OR5H6: variants seen among roughly 807,000 people sequenced by gnomAD.
OR5H6 encodes olfactory receptor 5H6.
For synonymous variants in OR5H6, 151 were observed against 127.7 expected, an observed-to-expected ratio of 1.18 and a Z score of -1.23; for missense variants, 429 against 358.1, an observed-to-expected ratio of 1.20 and a Z score of -1.60.
chr3:98,264,390 C>G lies in OR5H6; in HGVS notation c.58C>G (p.Gln20Glu). The change falls in exon 1 of 1, where the codon CAA (glutamine) becomes GAA (glutamate). Residue 20 changes from glutamine (Q) to glutamate (E), a missense_variant. Coordinates refer to ENST00000615035, the MANE Select transcript of OR5H6 (RefSeq NM_001005479.2). ...GTTTGTTCTCACAGGATTTTTACAT[C>G]AACCTGACTGTAAAATACCGCTCTT... ...TEFVLTGFLH[Q>E]PDCKIPLFLA... 5.0e-6 allele frequency: 8 copies of G among 1,612,930 alleles called. No homozygotes were observed. The highest frequency in any genetic ancestry group is 5.9e-6 in the Non-Finnish European group (7 of 1,179,030).
At position 98,264,285 on chromosome 3, in the gene OR5H6, A is replaced by G. The variant is rs1705846012; in HGVS notation, c.-48A>G. 6.2e-7 allele frequency: 1 copy of G among 1,605,100 alleles called. No individual in the cohort carries two copies. On this transcript the variant is annotated 5_prime_UTR_variant, in exon 1 of 1. The change abolishes an upstream ATG in the 5' untranslated region. Coordinates refer to ENST00000615035, the MANE Select transcript of OR5H6 (RefSeq NM_001005479.2). ...ATTTCAACTCACAATTCCATTGCAA[A>G]TGTTCCTTTACCTTTGCTTCATTTT...
Position 98,264,363 on chromosome 3 carries a change from G to C in OR5H6, c.31G>C (p.Glu11Gln), listed in dbSNP as rs137937308. Residue 11 changes from glutamate (E) to glutamine (Q), a missense_variant, in exon 1 of 1, where the codon GAG (glutamate) becomes CAG (glutamine). Glu to Gln is a conservative substitution (Grantham distance 29, BLOSUM62 2). Coordinates refer to ENST00000615035, the MANE Select transcript of OR5H6 (RefSeq NM_001005479.2). ...AGAGGAAAATGCAACATTGCTGACA[G>C]AGTTTGTTCTCACAGGATTTTTACA... MEEENATLLT[E>Q]FVLTGFLHQP... The C allele has an allele frequency of 2.1e-3, 3,446 of 1,613,118 alleles. 5 individuals carry two copies. Among genetic ancestry groups the C allele is most frequent in the Non-Finnish European group, 2.5e-3 (3,005 of 1,179,200 alleles).
At position 98,264,787 on chromosome 3, in the gene OR5H6, G is replaced by A; in HGVS notation, c.455G>A (p.Gly152Asp). 1.2e-6 allele frequency: 2 copies of A among 1,612,434 alleles called. No individual in the cohort carries two copies. Among genetic ancestry groups the A allele is most frequent in the Non-Finnish European group, 1.7e-6 (2 of 1,179,186 alleles). Residue 152 changes from glycine to aspartate, a missense_variant, in exon 1 of 1, where the codon GGC (glycine) becomes GAC (aspartate). Transcript: ENST00000615035. The stretch of plus-strand genomic sequence containing the variant: ...CTATTAGTCTTGTCATTTATAGGTG[G>A]CCTTCTTCATGCTTTAATCCATGAA... ...IQLLVLSFIGGLLHALIHEAF... is the reference protein window; with the variant it reads ...IQLLVLSFIGDLLHALIHEAF...
rs747281928 is a variant in OR5H6 at position 98,264,632 on chromosome 3, AT to A, written c.307del (p.Ser103ProfsTer3). The stretch of plus-strand genomic sequence containing the variant: ...TATCTCTCTCTGAATGCATGGTACA[AT>A]TTTTTTCCCTTGTAACCACTGTAAC... ...MISLSECMVQ[F>X]FSLVTTVTTE... On this transcript the variant is annotated frameshift_variant, in exon 1 of 1. Coordinates refer to ENST00000615035, the MANE Select transcript of OR5H6 (RefSeq NM_001005479.2). LOFTEE classifies it low-confidence loss of function (END_TRUNC). 1.0e-5 allele frequency: 16 copies of A among 1,587,312 alleles called. No individual in the cohort carries two copies. The highest frequency in any genetic ancestry group is 2.8e-5 in the African/African-American group (2 of 72,442).
chr3:98,265,341 C>G lies in OR5H6; in HGVS notation c.*79C>G. On this transcript the variant is annotated 3_prime_UTR_variant, in exon 1 of 1. Transcript: ENST00000615035. Reference sequence around the variant, plus strand: ...GTTAGAGGTGTCTATGTCTTGCCAGCATTCAAAGATGATGCAAAGTCCTAG... The same window carrying G: ...GTTAGAGGTGTCTATGTCTTGCCAGGATTCAAAGATGATGCAAAGTCCTAG... 1 of 1,437,820 alleles carries G rather than the reference C, an allele frequency of 7.0e-7. No individual in the cohort carries two copies. Among genetic ancestry groups the G allele is most frequent in the Non-Finnish European group, 9.3e-7 (1 of 1,074,000 alleles). 89.1% of individuals were successfully genotyped at this position (1,437,820 alleles called of 1,614,324 possible).
In OR5H6 at chr3:98,264,472, T is replaced by C. The variant is rs1417435700; in HGVS notation, c.140T>C (p.Val47Ala). Reference protein sequence around the residue: ...ITIMGNLGLIVLIWKDPHLHI... With the variant: ...ITIMGNLGLIALIWKDPHLHI... ...ATCATGGGGAATCTTGGTCTAATTG[T>C]TCTCATCTGGAAAGACCCTCACCTT... Residue 47 changes from valine (V) to alanine (A), a missense_variant, in exon 1 of 1, where the codon GTT becomes GCT. Coordinates refer to ENST00000615035, the MANE Select transcript of OR5H6 (RefSeq NM_001005479.2). 2 of 1,612,616 alleles carry C rather than the reference T, an allele frequency of 1.2e-6. No homozygotes were observed. The highest frequency in any genetic ancestry group is 2.2e-5 in the South Asian group (2 of 91,032).
rs772610499 is a variant in OR5H6 at position 98,264,814 on chromosome 3, C to G, written c.482C>G (p.Ala161Gly). Residue 161 changes from alanine (A) to glycine (G), a missense_variant, in exon 1 of 1, where the codon GCT (alanine) becomes GGT (glycine). Physicochemically the swap from Ala to Gly is moderately conservative, Grantham distance 60. Transcript: ENST00000615035. ...GGLLHALIHE[A>G]FSFRLTFCNS... ...CTTCTTCATGCTTTAATCCATGAAG[C>G]TTTTTCATTCAGATTAACCTTCTGT... is the stretch of plus-strand genomic sequence containing the variant. 6.2e-7 allele frequency: 1 copy of G among 1,609,828 alleles called. No individual in the cohort carries two copies. The highest frequency in any genetic ancestry group is 8.5e-7 in the Non-Finnish European group (1 of 1,178,158).
At position 98,264,488 on chromosome 3, in the gene OR5H6, C is replaced by T. The variant is rs752988366; in HGVS notation, c.156C>T (p.Asp52=). The T allele has an allele frequency of 5.0e-6, 8 of 1,611,786 alleles. No homozygotes were observed. The highest frequency in any genetic ancestry group is 3.3e-5 in the Admixed American group (2 of 59,942). ...GTCTAATTGTTCTCATCTGGAAAGA[C>T]CCTCACCTTCATATCCCAATGTACT... ...NLGLIVLIWK[D]PHLHIPMYLF... The change falls in exon 1 of 1, where the codon GAC becomes GAT. Residue 52 remains aspartate, a synonymous_variant. Transcript: ENST00000615035.
Position 98,264,941 on chromosome 3 carries a change from A to G in OR5H6, c.609A>G (p.Ala203=). 6.2e-7 allele frequency: 1 copy of G among 1,606,384 alleles called. No individual in the cohort carries two copies. The highest frequency in any genetic ancestry group is 8.5e-7 in the Non-Finnish European group (1 of 1,177,264). ...SINFLMVFIF[A]GSVQVFTIGT... ...ACTTTCTAATGGTTTTTATTTTCGC[A>G]GGTTCTGTTCAAGTTTTTACCATTG... The change falls in exon 1 of 1, where the codon GCA becomes GCG. Residue 203 remains alanine, a synonymous_variant. Coordinates refer to ENST00000615035, the MANE Select transcript of OR5H6 (RefSeq NM_001005479.2).
At position 98,264,813 on chromosome 3, in the gene OR5H6, G is replaced by A. The variant is rs747705032; in HGVS notation, c.481G>A (p.Ala161Thr). 3.7e-6 allele frequency: 6 copies of A among 1,610,252 alleles called. No homozygotes were observed. Among genetic ancestry groups the A allele is most frequent in the Non-Finnish European group, 4.2e-6 (5 of 1,178,420 alleles). ...CCTTCTTCATGCTTTAATCCATGAA[G>A]CTTTTTCATTCAGATTAACCTTCTG... ...GGLLHALIHE[A>T]FSFRLTFCNS... The change falls in exon 1 of 1, where the codon GCT becomes ACT. Residue 161 changes from alanine (A) to threonine (T), a missense_variant. Ala to Thr is a moderately conservative substitution (Grantham distance 58). Transcript: ENST00000615035.
rs759713472 is a variant in OR5H6 at position 98,264,845 on chromosome 3, C to T, written c.513C>T (p.Ser171=). 118 of 1,610,100 alleles carry T rather than the reference C, an allele frequency of 7.3e-5. 3 individuals are homozygous for T. In the South Asian group the frequency reaches 9.5e-4, roughly 13 times the overall value. Residue 171 remains serine, a synonymous_variant, in exon 1 of 1, where the codon TCC becomes TCT. Transcript: ENST00000615035. Reference sequence around the variant, plus strand: ...CATTCAGATTAACCTTCTGTAATTCCAACATAATACAACACTTTTACTGTG... The same window carrying T: ...CATTCAGATTAACCTTCTGTAATTCTAACATAATACAACACTTTTACTGTG... ...AFSFRLTFCN[S]NIIQHFYCDI...
chr3:98,265,152 G>C lies in OR5H6; in HGVS notation c.820G>C (p.Glu274Gln). 1 of 1,613,174 alleles carries C rather than the reference G, an allele frequency of 6.2e-7. No individual in the cohort carries two copies. The highest frequency in any genetic ancestry group is 8.5e-7 in the Non-Finnish European group (1 of 1,179,404). Residue 274 changes from glutamate to glutamine, a missense_variant, in exon 1 of 1, where the codon GAG becomes CAG. Physicochemically the swap from Glu to Gln is conservative, Grantham distance 29. Transcript: ENST00000615035. ...SPQADDQDMM[E>Q]SLFYTVIVPL... ...GCAAGCAGATGACCAAGATATGATG[G>C]AGTCTCTATTTTACACTGTCATAGT...
chr3:98,265,340 G>A lies in OR5H6; in HGVS notation c.*78G>A. Reference sequence around the variant, plus strand: ...AGTTAGAGGTGTCTATGTCTTGCCAGCATTCAAAGATGATGCAAAGTCCTA... The same window carrying A: ...AGTTAGAGGTGTCTATGTCTTGCCAACATTCAAAGATGATGCAAAGTCCTA... On this transcript the variant is annotated 3_prime_UTR_variant, in exon 1 of 1. Coordinates refer to ENST00000615035, the MANE Select transcript of OR5H6 (RefSeq NM_001005479.2). 7 of 1,444,762 alleles carry A rather than the reference G, an allele frequency of 4.8e-6. No individual in the cohort carries two copies. Among genetic ancestry groups the A allele is most frequent in the Non-Finnish European group, 5.6e-6 (6 of 1,079,754 alleles). 89.5% of individuals were successfully genotyped at this position (1,444,762 alleles called of 1,614,324 possible).
Position 98,264,361 on chromosome 3 carries a change from CAG to C in OR5H6, c.32_33del (p.Glu11ValfsTer11). Reference sequence around the variant, plus strand: ...GAAGAGGAAAATGCAACATTGCTGACAGAGTTTGTTCTCACAGGATTTTTACA... The same window carrying C: ...GAAGAGGAAAATGCAACATTGCTGACAGTTTGTTCTCACAGGATTTTTACA... On this transcript the variant is annotated frameshift_variant, in exon 1 of 1. Transcript: ENST00000615035. LOFTEE classifies it low-confidence loss of function (END_TRUNC). 1.9e-6 allele frequency: 3 copies of C among 1,613,046 alleles called. No individual in the cohort carries two copies. Among genetic ancestry groups the C allele is most frequent in the Non-Finnish European group, 2.5e-6 (3 of 1,179,172 alleles).
In OR5H6 at chr3:98,265,077, T is replaced by C. The variant is rs751155416; in HGVS notation, c.745T>C (p.Ser249Pro). Residue 249 changes from serine (S) to proline (P), a missense_variant, in exon 1 of 1, where the codon TCT (serine) becomes CCT (proline). Coordinates refer to ENST00000615035, the MANE Select transcript of OR5H6 (RefSeq NM_001005479.2). ...CTGTGGGGCTCATCTCTTATCTGTA[T>C]CTTTATACTATGGCCCCCTCACCTT... ...STCGAHLLSV[S>P]LYYGPLTFKY... 6.2e-7 allele frequency: 1 copy of C among 1,612,788 alleles called. No homozygotes were observed. Among genetic ancestry groups the C allele is most frequent in the Admixed American group, 1.7e-5 (1 of 59,926 alleles).
Position 98,264,988 on chromosome 3 carries a change from C to T in OR5H6, c.656C>T (p.Thr219Ile). The T allele has an allele frequency of 6.2e-7, 1 of 1,612,054 alleles. No homozygotes were observed. The highest frequency in any genetic ancestry group is 8.5e-7 in the Non-Finnish European group (1 of 1,178,876). ...ATTGGAACTATTCTTATATCTTATA[C>T]AATTATCCTCTTTACAATCTTAGAA... is the stretch of plus-strand genomic sequence containing the variant. ...FTIGTILISY[T>I]IILFTILEKK... Residue 219 changes from threonine (T) to isoleucine (I), a missense_variant, in exon 1 of 1, where the codon ACA becomes ATA. Transcript: ENST00000615035.
At position 98,264,911 on chromosome 3, in the gene OR5H6, T is replaced by C; in HGVS notation, c.579T>C (p.Ser193=). ...TAAAGATTTCCTGTACTGATTCCTC[T>C]ATTAACTTTCTAATGGTTTTTATTT... is the stretch of plus-strand genomic sequence containing the variant. ...PLLKISCTDS[S]INFLMVFIFA... is the part of the protein sequence containing the mutation. The change falls in exon 1 of 1, where the codon TCT becomes TCC. Residue 193 remains serine (S), a synonymous_variant. Coordinates refer to ENST00000615035, the MANE Select transcript of OR5H6 (RefSeq NM_001005479.2). The C allele has an allele frequency of 1.1e-5, 18 of 1,609,536 alleles. No individual in the cohort carries two copies. Among genetic ancestry groups the C allele is most frequent in the Non-Finnish European group, 1.5e-5 (18 of 1,178,236 alleles).
In OR5H6 at chr3:98,265,291, C is replaced by G; in HGVS notation, c.*29C>G. 2.0e-6 allele frequency: 3 copies of G among 1,530,206 alleles called. No homozygotes were observed. The South Asian group carries it at 4.0e-5, about 21-fold the overall frequency. The allele number at this position is 1,530,206 out of a possible 1,614,324, so 94.8% of individuals were successfully genotyped here. A position where few individuals can be genotyped will look rare whatever the true frequency, so the allele number is the denominator to read the frequency against. ...TCATACAATCTCTCTTCTCTATTTA[C>G]TAAAATTGTCCCAAGATTGTGCAAG... is the stretch of plus-strand genomic sequence containing the variant. On this transcript the variant is annotated 3_prime_UTR_variant, in exon 1 of 1. Coordinates refer to ENST00000615035, the MANE Select transcript of OR5H6 (RefSeq NM_001005479.2).
rs757441803 is a variant in OR5H6, at chr3:98,265,279, C to G, written c.*17C>G. ...AATGTTTAGATCTCATACAATCTCT[C>G]TTCTCTATTTACTAAAATTGTCCCA... On this transcript the variant is annotated 3_prime_UTR_variant, in exon 1 of 1. Coordinates refer to ENST00000615035, the MANE Select transcript of OR5H6 (RefSeq NM_001005479.2). 72 of 1,540,598 alleles carry G rather than the reference C, an allele frequency of 4.7e-5. No individual in the cohort carries two copies. The highest frequency in any genetic ancestry group is 2.4e-4 in the South Asian group (18 of 76,408).
Sources: allele counts gnomAD v4.1 joint callset, GRCh38; gene constraint gnomAD v4.1.1; transcripts MANE v1.5; gene names NCBI Gene and HGNC (gene_info 2026-07-23, HGNC 2026-07-21).